The following SNTA1 variants were observed in gnomAD, a reference collection of about 807,000 sequenced individuals.
SNTA1 encodes the protein syntrophin alpha 1, also known as alpha-1-syntrophin.
In SNTA1, 31 loss-of-function variants were observed where a neutral mutation model predicts 47.1. The observed-to-expected ratio is 0.66, with a 90% CI of 0.49 to 0.89. SNTA1 has a LOEUF of 0.89. SNTA1 is among the 40% of genes least tolerant of loss of function. SNTA1 has a pLI of 0.00. For synonymous variants in SNTA1, 300 were observed against 313.6 expected (o/e 0.96, Z 0.46); for missense variants, 575 against 693.0 (o/e 0.83, Z 1.91).
At chr20:33,434,948 TTTA>T (rs1475001227) in intron 2 of SNTA1, among the ~76,000 whole-genome samples, 1 of 151,112 alleles carries the variant, frequency 6.6e-6, no homozygotes, top group Non-Finnish European at 1.5e-5. Context: ...CAAACAGAGA[TTTA>T]TTGCAGAGCA....
At chr20:33,429,242 TAGG>T (rs1990237152) in intron 2 of SNTA1, among the ~76,000 whole-genome samples, 1 of 140,644 alleles carries the variant, frequency 7.1e-6, no homozygotes, top group Non-Finnish European at 1.5e-5. Flanking sequence ...GAAGGTGAGG[TAGG>T]AGAATTGCTT....
At chr20:33,428,048 A>G (rs1025556599) in intron 2 of SNTA1, among the ~76,000 whole-genome samples, 1 of 152,036 alleles carries the variant, frequency 6.6e-6, no homozygotes, top group African/African-American at 2.4e-5. Context: ...CCTCAGCTTC[A>G]GGAGTAAATA....
At chr20:33,442,326 A>T (rs1180012555) in intron 1 of SNTA1, among the ~76,000 whole-genome samples, 1 of 152,162 alleles carries the variant, frequency 6.6e-6, no homozygotes, top group Admixed American at 6.6e-5. Context: ...TATGTATTCA[A>T]GGTGGAGACA....
At chr20:33,424,081 G>A (rs1333814148) in intron 2 of SNTA1, among the ~76,000 whole-genome samples, 2 of 151,784 alleles carry the variant, frequency 1.3e-5, no homozygotes, top group African/African-American at 4.8e-5. Flanking sequence ...TTGGGAGGCC[G>A]AGGCGAGTGG....
Position 33,410,159 on chromosome 20 carries a change from C to A in SNTA1, c.1213G>T (p.Glu405Ter), listed in dbSNP as rs753334914. 1.9e-6 allele frequency: 3 copies of A among 1,614,228 alleles called. No homozygotes were observed. In the African/African-American group the frequency reaches 4.0e-5, roughly 22 times the overall value. Reference protein sequence around the residue: ...QLVDGCHRAAEGVQEVSTACT... With the variant: ...QLVDGCHRAA Reference sequence around the variant, plus strand: ...CCTGTAGACACCTCCTGCACACCCTCGGCGGCCCGGTGACAGCCATCCACA... The same window carrying A: ...CCTGTAGACACCTCCTGCACACCCTAGGCGGCCCGGTGACAGCCATCCACA... Residue 405 changes from glutamate to a stop codon, truncating the protein, a stop_gained, in exon 6 of 8, where the codon GAG (glutamate) becomes TAG (stop). Transcript: ENST00000217381. LOFTEE classifies it high-confidence loss of function.
Position 33,420,017 on chromosome 20 carries a change from G to A in SNTA1, c.497-2094C>T, listed in dbSNP as rs767719811. On this transcript the variant is annotated intron_variant, in intron 2 of 7. Transcript: ENST00000217381. ...TGGCTCACTGCAACCTCTGCCTCCCGGGTTCAAGCGAATCTCCTGCCTCAG... is the reference window on the plus strand; with the variant it reads ...TGGCTCACTGCAACCTCTGCCTCCCAGGTTCAAGCGAATCTCCTGCCTCAG... 9.2e-5 allele frequency among the ~76,000 whole-genome samples: 14 copies of A among 151,962 alleles called. No individual in the cohort carries two copies. In the South Asian group the frequency reaches 1.5e-3, roughly 16 times the overall value.
chr20:33,430,630 C>G (rs1316003314), intron 2 of SNTA1, among the ~76,000 whole-genome samples: 2 of 151,720 alleles, frequency 1.3e-5, no homozygotes, highest in Non-Finnish European at 2.9e-5. Context: ...GTGACATAAC[C>G]TGTAGTGCAG....
At chr20:33,419,057 T>C (rs946018279) in intron 2 of SNTA1, among the ~76,000 whole-genome samples, 3 of 151,726 alleles carry the variant, frequency 2.0e-5, no homozygotes, top group Non-Finnish European at 4.4e-5. Flanking sequence ...AAGGTTGCAA[T>C]GAGCCAAGAT....
Position 33,443,564 on chromosome 20 carries a change from CG to C in SNTA1, c.56del (p.Ala19GlyfsTer15). 7.6e-7 allele frequency: 1 copy of C among 1,323,268 alleles called. No homozygotes were observed. The allele number at this position is 1,323,268 out of a possible 1,614,324, so 82.0% of individuals were successfully genotyped here. ...ATCGCTCGCCGCCGGCCCCCGAGCC[CG>C]CCCCGGCGCGCAGCTCCAGCAGCCC... ...RTGLLELRAG[A>X]GSGAGGERWQ... On this transcript the variant is annotated frameshift_variant, in exon 1 of 8. Coordinates refer to ENST00000217381, the MANE Select transcript of SNTA1 (RefSeq NM_003098.3). LOFTEE classifies it high-confidence loss of function.
intron 1 of SNTA1, among the ~76,000 whole-genome samples, chr20:33,442,890 C>G (rs1033432394): frequency 1.3e-5 from 2 of 152,106 alleles, no homozygotes; most frequent in African/African-American, 4.8e-5. Context: ...AGACTCCAGG[C>G]TTCCCCTCTG....
At position 33,412,277 on chromosome 20, in the gene SNTA1, T is replaced by G. The variant is rs1385272071; in HGVS notation, c.1040+19A>C. The G allele has an allele frequency of 6.2e-7, 1 of 1,606,364 alleles. No individual in the cohort carries two copies. Among genetic ancestry groups the G allele is most frequent in the East Asian group, 2.2e-5 (1 of 44,780 alleles). On this transcript the variant is annotated intron_variant, in intron 5 of 7. Transcript: ENST00000217381. ...CTGGCAAGTTCTGGGGGAGACATAC[T>G]GCCCCTGCCTGTGGGTACCTGGTGG...
intron 1 of SNTA1, 55 bp downstream of exon 1, chr20:33,443,256 G>A (rs1246111390): frequency 1.5e-6 from 2 of 1,371,858 alleles, no homozygotes; most frequent in East Asian, 3.0e-5. Flanking sequence ...AGCCCCCTGC[G>A]CCCTCGGCTG....
At chr20:33,435,525 G>A (rs1990421109) in intron 2 of SNTA1, among the ~76,000 whole-genome samples, 1 of 152,104 alleles carries the variant, frequency 6.6e-6, no homozygotes, top group Non-Finnish European at 1.5e-5. Context: ...CCTGGGAGAA[G>A]GAGGTTGCAG....
At chr20:33,434,664 A>T (rs1025815948) in intron 2 of SNTA1, among the ~76,000 whole-genome samples, 16 of 151,786 alleles carry the variant, frequency 1.1e-4, no homozygotes, top group Non-Finnish European at 1.9e-4. Context: ...CCAAATATGG[A>T]ACTCACAGAA....
At chr20:33,430,420 C>T (rs867710212) in intron 2 of SNTA1, among the ~76,000 whole-genome samples, 1 of 151,184 alleles carries the variant, frequency 6.6e-6, no homozygotes, top group Non-Finnish European at 1.5e-5. Flanking sequence ...TCCTGAGTAG[C>T]TGGGACTACA....
At chr20:33,418,052 A>AG in intron 2 of SNTA1, 129 bp from the exon 3 acceptor site, 2 of 648,044 alleles carry the variant, frequency 3.1e-6, no homozygotes. Context: ...AGAGTCCAGT[A>AG]GTGATATTAA....
At chr20:33,411,430 A>C (rs1194865117) in intron 5 of SNTA1, among the ~76,000 whole-genome samples, 1 of 151,290 alleles carries the variant, frequency 6.6e-6, no homozygotes, top group Non-Finnish European at 1.5e-5. Flanking sequence ...TGTTAATTTT[A>C]CACCCATGTG....
chr20:33,432,837 G>A (rs1990343659), intron 2 of SNTA1, among the ~76,000 whole-genome samples: 1 of 152,192 alleles, frequency 6.6e-6, no homozygotes, highest in South Asian at 2.1e-4. Flanking sequence ...TATAGGCTGG[G>A]CAACAGAGTG....
At position 33,412,789 on chromosome 20, in the gene SNTA1, G is replaced by C. The variant is rs780688953; in HGVS notation, c.702-7C>G. The C allele has an allele frequency of 6.9e-6, 11 of 1,594,382 alleles. No individual in the cohort carries two copies. The Admixed American group carries it at 1.2e-4, about 17-fold the overall frequency. On this transcript the variant is annotated splice_polypyrimidine_tract_variant and splice_region_variant and intron_variant, in intron 3 of 7. Transcript: ENST00000217381. Reference sequence around the variant, plus strand: ...CGAGCAGATCTCCAGATACCTGCAGGCACAAATGGGTGGAGACAAGGACCT... The same window carrying C: ...CGAGCAGATCTCCAGATACCTGCAGCCACAAATGGGTGGAGACAAGGACCT...
Sources: allele counts gnomAD v4.1 joint callset (sites outside exome capture counted in the v4.1 genomes callset), GRCh38; gene constraint gnomAD v4.1.1; transcripts MANE v1.5; gene names NCBI Gene and HGNC (gene_info 2026-07-23, HGNC 2026-07-21).